The following KCTD16 variants were observed in gnomAD, a reference collection of about 807,000 sequenced individuals.
The protein encoded by KCTD16 is potassium channel tetramerization domain containing 16, also known as BTB/POZ domain-containing protein KCTD16.
In KCTD16, 13 loss-of-function variants were observed where a neutral mutation model predicts 33.2. The ratio of observed to expected loss-of-function variants is 0.39; its 90% CI spans 0.25 to 0.62. The LOEUF is 0.62. Among genes scored for constraint, KCTD16 ranks in the 20% least tolerant of loss-of-function variants. The pLI is 0.50. For missense variants in KCTD16, 441 were observed against 525.1 expected (o/e 0.84, Z 1.57); for synonymous variants, 197 against 195.3 (o/e 1.01, Z -0.07).
chr5:144,280,739 ATG>A (rs1267921777), intron 3 of KCTD16, among the ~76,000 whole-genome samples: 2 of 152,214 alleles, frequency 1.3e-5, no homozygotes, highest in African/African-American at 2.4e-5. Context: ...CCTGGCTAAC[ATG>A]GTGAAACCCC....
At chr5:144,425,774 T>C (rs1753297168) in intron 3 of KCTD16, among the ~76,000 whole-genome samples, 1 of 152,050 alleles carries the variant, frequency 6.6e-6, no homozygotes, top group African/African-American at 2.4e-5. Flanking sequence ...GGCAGTGAGC[T>C]TACGAAGAGC....
intron 2 of KCTD16, among the ~76,000 whole-genome samples, chr5:144,177,104 C>T (rs1752525775): frequency 6.6e-6 from 1 of 151,950 alleles, no homozygotes. Flanking sequence ...AAACTCTTTG[C>T]CAGGACCAGT....
At chr5:144,385,280 T>C (rs992020898) in intron 3 of KCTD16, 3 of 152,234 alleles carry the variant, frequency 2.0e-5, no homozygotes, top group Admixed American at 6.5e-5. Context: ...TCAGTGAAGA[T>C]AGCATTGTTG....
chr5:144,218,565 T>A (rs1753635501), intron 3 of KCTD16, among the ~76,000 whole-genome samples: 1 of 152,168 alleles, frequency 6.6e-6, no homozygotes, highest in Non-Finnish European at 1.5e-5. Flanking sequence ...ACTCTTCAGG[T>A]TTCTCTCCCA....
chr5:144,200,563 T>C (rs536852294), intron 2 of KCTD16, among the ~76,000 whole-genome samples: 1 of 152,354 alleles, frequency 6.6e-6, no homozygotes, highest in East Asian at 1.9e-4. Flanking sequence ...ATCTTTATTT[T>C]GTCATTGGCC....
At chr5:144,179,128 G>C (rs952219) in intron 2 of KCTD16, among the ~76,000 whole-genome samples, 1 of 151,962 alleles carries the variant, frequency 6.6e-6, no homozygotes, top group Non-Finnish European at 1.5e-5. Context: ...GGTATGTATT[G>C]TAAGACCTAC....
chr5:144,240,016 G>T (rs1215419059), intron 3 of KCTD16, among the ~76,000 whole-genome samples: 1 of 152,058 alleles, frequency 6.6e-6, no homozygotes, highest in Non-Finnish European at 1.5e-5. Context: ...TCTTTACCTG[G>T]ATTACCCCCT....
chr5:144,378,467 G>A (rs188664094), intron 3 of KCTD16, among the ~76,000 whole-genome samples: 11 of 152,100 alleles, frequency 7.2e-5, no homozygotes, highest in East Asian at 3.9e-4. Flanking sequence ...CTGAAATGTC[G>A]TATCTAGCTA....
At chr5:144,465,182 C>CCG (rs1754295075) in intron 3 of KCTD16, among the ~76,000 whole-genome samples, 1 of 99,280 alleles carries the variant, frequency 1.0e-5, no homozygotes, top group Admixed American at 1.2e-4. Context: ...GTCTCTCTCT[C>CCG]CCCCCCCTCT....
intron 3 of KCTD16, among the ~76,000 whole-genome samples, chr5:144,333,879 C>T (rs896275073): frequency 1.3e-5 from 2 of 152,212 alleles, no homozygotes; most frequent in African/African-American, 4.8e-5. Flanking sequence ...CAGTTTGCCA[C>T]ATCTGGCTCC....
chr5:144,452,066 A>C (rs1182783937), intron 3 of KCTD16, among the ~76,000 whole-genome samples: 1 of 151,312 alleles, frequency 6.6e-6, no homozygotes, highest in Non-Finnish European at 1.5e-5. Flanking sequence ...GCTGGTTCTA[A>C]ATATTTTCTC....
intron 3 of KCTD16, among the ~76,000 whole-genome samples, chr5:144,388,956 T>A (rs945400207): frequency 6.6e-6 from 1 of 152,120 alleles, no homozygotes; most frequent in Non-Finnish European, 1.5e-5. Context: ...GTAAATGCCA[T>A]AAAAGTAAGT....
rs1021601082 is a variant in KCTD16, at chr5:144,483,897, T to C, written c.*9783T>C. ...TCACCAGCCTTCTAAAGATGTTGTCTTAAAAACATAAGAAAGAAAATCCAT... is the reference window on the plus strand; with the variant it reads ...TCACCAGCCTTCTAAAGATGTTGTCCTAAAAACATAAGAAAGAAAATCCAT... On this transcript the variant is annotated 3_prime_UTR_variant, in exon 4 of 4. Transcript: ENST00000512467. 1.3e-5 allele frequency: 2 copies of C among 151,930 alleles called. No individual in the cohort carries two copies. The highest frequency in any genetic ancestry group is 2.9e-5 in the Non-Finnish European group (2 of 67,924). The allele number at this position is 151,930 out of a possible 1,614,324, so 9.4% of individuals were successfully genotyped here. A position where few individuals can be genotyped will look rare whatever the true frequency, so the allele number is the denominator to read the frequency against.
intron 3 of KCTD16, among the ~76,000 whole-genome samples, chr5:144,297,302 G>A (rs1025719744): frequency 2.6e-5 from 4 of 152,190 alleles, no homozygotes; most frequent in African/African-American, 9.6e-5. Context: ...GTGTTTGGCT[G>A]CAAGTAAGAA....
chr5:144,224,352 G>T (rs1311240458), intron 3 of KCTD16, among the ~76,000 whole-genome samples: 7 of 135,922 alleles, frequency 5.2e-5, no homozygotes, highest in Admixed American at 1.5e-4. Context: ...CCCAAGGTTG[G>T]TATATTATTT....
At chr5:144,458,469 G>T (rs193048349) in intron 3 of KCTD16, among the ~76,000 whole-genome samples, 2 of 151,732 alleles carry the variant, frequency 1.3e-5, no homozygotes, top group African/African-American at 4.9e-5. Flanking sequence ...GATTTCTGTC[G>T]CAGAGGCTGT....
chr5:144,367,825 A>G (rs1266721738), intron 3 of KCTD16, among the ~76,000 whole-genome samples: 2 of 148,802 alleles, frequency 1.3e-5, no homozygotes, highest in Admixed American at 6.8e-5. Context: ...CTCATCTAGT[A>G]GCCCCAGTGT....
intron 2 of KCTD16, among the ~76,000 whole-genome samples, chr5:144,202,720 T>G (rs549154232): frequency 1.3e-5 from 2 of 152,064 alleles, no homozygotes; most frequent in South Asian, 4.2e-4. Flanking sequence ...ACACAACAAT[T>G]AACAATATGA....
chr5:144,391,904 G>A (rs1224250987), intron 3 of KCTD16, among the ~76,000 whole-genome samples: 1 of 152,152 alleles, frequency 6.6e-6, no homozygotes, highest in African/African-American at 2.4e-5. Context: ...TATCTGTGTG[G>A]TTGTTGAGTG....
Sources: allele counts gnomAD v4.1 joint callset (sites outside exome capture counted in the v4.1 genomes callset), GRCh38; gene constraint gnomAD v4.1.1; transcripts MANE v1.5; gene names NCBI Gene and HGNC (gene_info 2026-07-23, HGNC 2026-07-21).